CDH13: variants seen among roughly 807,000 people sequenced by gnomAD.
The protein encoded by CDH13 is cadherin-13.
A neutral mutation model predicts 63.8 loss-of-function variants in CDH13; 24 were observed. That is an observed-to-expected ratio of 0.38 (90% CI 0.27 to 0.53). The LOEUF (loss-of-function observed/expected upper bound fraction) is 0.53, where lower values mean the gene tolerates loss of function less well. Among genes scored for constraint, CDH13 ranks in the 20% least tolerant of loss-of-function variants. The pLI is 0.85. For missense variants in CDH13, 1,049 were observed against 903.1 expected (o/e 1.16, Z -2.07); for synonymous variants, 503 against 355.3 (o/e 1.42, Z -4.67).
intron 5 of CDH13, among the ~76,000 whole-genome samples, chr16:83,309,322 C>G (rs760318429): frequency 2.0e-5 from 3 of 151,974 alleles, no homozygotes; most frequent in Non-Finnish European, 4.4e-5. Context: ...AGAGCACTGT[C>G]TTCAGCAGAT....
chr16:83,194,087 A>G (rs2038804451), intron 4 of CDH13, among the ~76,000 whole-genome samples: 1 of 152,158 alleles, frequency 6.6e-6, no homozygotes, highest in African/African-American at 2.4e-5. Flanking sequence ...GTGCCTTACA[A>G]TTTTCAAGGA....
Position 83,252,215 on chromosome 16 carries a change from A to G in CDH13, c.636+34718A>G, listed in dbSNP as rs146299976. ...CCCACCCCTAATGCATTTTTATTTTAAGATTTGACTGGCATTTTTTAGATT... is the reference window on the plus strand; with the variant it reads ...CCCACCCCTAATGCATTTTTATTTTGAGATTTGACTGGCATTTTTTAGATT... On this transcript the variant is annotated intron_variant, in intron 5 of 13. Transcript: ENST00000567109. Among the ~76,000 whole-genome samples, 615 of 148,340 alleles carry G rather than the reference A, an allele frequency of 4.1e-3. 2 individuals are homozygous for G. Among genetic ancestry groups the G allele is most frequent in the African/African-American group, 0.014 (587 of 40,556 alleles).
At chr16:83,789,138 G>A (rs1305327047) in intron 13 of CDH13, among the ~76,000 whole-genome samples, 3 of 152,086 alleles carry the variant, frequency 2.0e-5, no homozygotes, top group African/African-American at 7.2e-5. Context: ...TAAGAATCTG[G>A]GTCAGAGGTA....
chr16:83,230,448 G>A (rs758001206), intron 5 of CDH13, among the ~76,000 whole-genome samples: 6 of 152,102 alleles, frequency 3.9e-5, no homozygotes, highest in Non-Finnish European at 5.9e-5. Flanking sequence ...GACCACCCCC[G>A]CAAGCCTCTT....
chr16:82,695,458 G>T (rs770633515), intron 1 of CDH13, among the ~76,000 whole-genome samples: 3 of 152,134 alleles, frequency 2.0e-5, no homozygotes, highest in Non-Finnish European at 4.4e-5. Context: ...TACCATTCAT[G>T]GCAGGGTTAG....
At chr16:83,380,444 C>T (rs1021659413) in intron 6 of CDH13, among the ~76,000 whole-genome samples, 12 of 152,060 alleles carry the variant, frequency 7.9e-5, no homozygotes, top group East Asian at 1.9e-4. Flanking sequence ...AGATAAAAGA[C>T]GTGACAGATA....
At chr16:83,727,554 C>T (rs180911501) in intron 10 of CDH13, among the ~76,000 whole-genome samples, 4 of 151,898 alleles carry the variant, frequency 2.6e-5, no homozygotes, top group Admixed American at 2.0e-4. Flanking sequence ...CAAAGGAGAA[C>T]CTTCCAACCT....
chr16:83,348,684 G>A (rs978666661), intron 6 of CDH13, among the ~76,000 whole-genome samples: 1 of 152,212 alleles, frequency 6.6e-6, no homozygotes, highest in East Asian at 1.9e-4. Flanking sequence ...TTGACGCTGT[G>A]CTCAGCTATT....
chr16:83,010,225 G>A lies in CDH13; in HGVS notation c.158-21785G>A, dbSNP rs542715017. On this transcript the variant is annotated intron_variant, in intron 2 of 13. Transcript: ENST00000567109. ...CTAACAAGCTCCTAAGGCTGCTCATGCTGCTGATCCTGGCACAGCACTTTG... is the reference window on the plus strand; with the variant it reads ...CTAACAAGCTCCTAAGGCTGCTCATACTGCTGATCCTGGCACAGCACTTTG... Among the ~76,000 whole-genome samples the A allele has an allele frequency of 2.4e-3, 363 of 150,774 alleles. 2 individuals are homozygous for A. The highest frequency in any genetic ancestry group is 8.2e-3 in the African/African-American group (335 of 40,950).
chr16:83,543,428 A>G (rs1237456959), intron 7 of CDH13, among the ~76,000 whole-genome samples: 1 of 152,210 alleles, frequency 6.6e-6, no homozygotes, highest in Non-Finnish European at 1.5e-5. Context: ...GGATTCAGTA[A>G]TAGGCATTTG....
Position 82,717,028 on chromosome 16 carries a change from G to C in CDH13, c.45+89891G>C, listed in dbSNP as rs1223117394. 2.0e-5 allele frequency among the ~76,000 whole-genome samples: 3 copies of C among 152,030 alleles called. No individual in the cohort carries two copies. The East Asian group carries it at 5.8e-4, about 30-fold the overall frequency. On this transcript the variant is annotated intron_variant, in intron 1 of 13. Coordinates refer to ENST00000567109, the MANE Select transcript of CDH13 (RefSeq NM_001257.5). Reference sequence around the variant, plus strand: ...CCTTTTGGGGAATGAGCTGAGCTTGGCCAGATGCTGCAGTTGTGTCCCCTT... The same window carrying C: ...CCTTTTGGGGAATGAGCTGAGCTTGCCCAGATGCTGCAGTTGTGTCCCCTT...
chr16:83,429,132 C>G (rs2072009601), intron 6 of CDH13, among the ~76,000 whole-genome samples: 1 of 152,180 alleles, frequency 6.6e-6, no homozygotes, highest in Non-Finnish European at 1.5e-5. Context: ...ATATTGCAGT[C>G]TGGGGTCAGC....
chr16:83,532,253 C>T (rs760189101), intron 7 of CDH13, among the ~76,000 whole-genome samples: 152 of 152,230 alleles, frequency 1.0e-3, no homozygotes, highest in Non-Finnish European at 1.5e-3. Context: ...AGTGTGAAAA[C>T]AGACTAGTAC....
intron 1 of CDH13, among the ~76,000 whole-genome samples, chr16:82,704,330 C>G (rs755496722): frequency 6.6e-6 from 1 of 152,144 alleles, no homozygotes; most frequent in Non-Finnish European, 1.5e-5. Context: ...CTGTGTCCAC[C>G]CGGATTGCTC....
At chr16:82,801,883 G>A (rs2036870969) in intron 1 of CDH13, among the ~76,000 whole-genome samples, 1 of 152,176 alleles carries the variant, frequency 6.6e-6, no homozygotes, top group African/African-American at 2.4e-5. Context: ...CACTCATTAT[G>A]ACAAAAGGAT....
At chr16:83,444,010 TG>T (rs2072584357) in intron 6 of CDH13, among the ~76,000 whole-genome samples, 2 of 148,964 alleles carry the variant, frequency 1.3e-5, no homozygotes, top group Non-Finnish European at 3.0e-5. Context: ...GCAAAGACGG[TG>T]GTGAAGGTGA....
chr16:83,645,569 T>C (rs1029891017), intron 8 of CDH13, among the ~76,000 whole-genome samples: 2 of 151,658 alleles, frequency 1.3e-5, no homozygotes, highest in Admixed American at 1.3e-4. Flanking sequence ...AATAATTTTT[T>C]TAAAGGTACT....
intron 6 of CDH13, among the ~76,000 whole-genome samples, chr16:83,455,431 G>A (rs973751308): frequency 7.2e-5 from 11 of 152,232 alleles, no homozygotes; most frequent in African/African-American, 2.2e-4. Flanking sequence ...CATTGCTGCC[G>A]TGTCTCTGTT....
chr16:83,311,649 C>T (rs956898775), intron 5 of CDH13, among the ~76,000 whole-genome samples: 1 of 152,220 alleles, frequency 6.6e-6, no homozygotes, highest in African/African-American at 2.4e-5. Flanking sequence ...CCTTGTTGTT[C>T]TGTACATAGC....
Sources: allele counts gnomAD v4.1 joint callset (sites outside exome capture counted in the v4.1 genomes callset), GRCh38; gene constraint gnomAD v4.1.1; transcripts MANE v1.5; gene names NCBI Gene and HGNC (gene_info 2026-07-23, HGNC 2026-07-21).